The following C19orf25 variants were observed in gnomAD, a reference collection of about 807,000 sequenced individuals.
The protein encoded by C19orf25 is UPF0449 protein C19orf25.
C19orf25 carries 1 observed loss-of-function variant against 3.1 expected under a neutral mutation model. That is an observed-to-expected ratio of 0.32 (90% CI 0.12 to 1.54). The LOEUF (loss-of-function observed/expected upper bound fraction) is 1.54. C19orf25 is among the 40% of genes most tolerant of loss of function. The probability of loss-of-function intolerance (pLI) is 0.38; values close to 1 mark genes in which losing one functional copy is unlikely to be tolerated. For synonymous variants in C19orf25, 91 were observed against 74.3 expected, an observed-to-expected ratio of 1.23 and a Z score of -1.16; for missense variants, 196 against 160.4, an observed-to-expected ratio of 1.22 and a Z score of -1.20.
Position 1,475,085 on chromosome 19 carries a change from C to G in C19orf25, c.304G>C (p.Ala102Pro), listed in dbSNP as rs376592756. 49 of 1,605,982 alleles carry G rather than the reference C, an allele frequency of 3.1e-5. No individual in the cohort carries two copies. The highest frequency in any genetic ancestry group is 4.0e-5 in the Non-Finnish European group (47 of 1,177,448). Residue 102 changes from alanine to proline, a missense_variant, in exon 3 of 3, where the codon GCC becomes CCC. Coordinates refer to ENST00000585675, the MANE Select transcript of C19orf25 (RefSeq NM_152482.3). Reference sequence around the variant, plus strand: ...GGTAATGCTGCCTGCTTCATCTGGGCCACCTCCCGCTCCAGGTCCTCGCCG... The same window carrying G: ...GGTAATGCTGCCTGCTTCATCTGGGGCACCTCCCGCTCCAGGTCCTCGCCG... ...RAGEDLEREVAQMKQAALPAA... is the reference protein window; with the variant it reads ...RAGEDLEREVPQMKQAALPAA...
At chr19:1,478,960 G>T in intron 1 of C19orf25, 55 bp from the exon 2 acceptor site, 1 of 1,490,774 alleles carries the variant, frequency 6.7e-7, no homozygotes, top group Non-Finnish European at 8.9e-7. Context: ...GCCCTTGCCC[G>T]GGCTGCTCCT....
rs2084233925 is a variant in C19orf25 at position 1,478,820 on chromosome 19, C to G, written c.84G>C (p.Arg28=). Residue 28 remains arginine, a synonymous_variant, in exon 2 of 3, where the codon CGG becomes CGC. Coordinates refer to ENST00000585675, the MANE Select transcript of C19orf25 (RefSeq NM_152482.3). The stretch of plus-strand genomic sequence containing the variant: ...ACACTGGATCCTCTGCCGGCGCACC[C>G]CGCACATCCTCCAGGATCTGCTCCA... ...PTVEQILEDV[R]GAPAEDPVFT... 2 of 1,591,740 alleles carry G rather than the reference C, an allele frequency of 1.3e-6. No homozygotes were observed. Among genetic ancestry groups the G allele is most frequent in the Admixed American group, 1.7e-5 (1 of 57,396 alleles).
Position 1,475,247 on chromosome 19 carries a change from G to T in C19orf25, c.142C>A (p.Pro48Thr), listed in dbSNP as rs1489470113. 4 of 1,552,144 alleles carry T rather than the reference G, an allele frequency of 2.6e-6. No individual in the cohort carries two copies. In the South Asian group the frequency reaches 4.7e-5, roughly 18 times the overall value. The change falls in exon 3 of 3, where the codon CCC becomes ACC. Residue 48 changes from proline to threonine, a missense_variant. Pro to Thr is a conservative substitution (Grantham distance 38). Coordinates refer to ENST00000585675, the MANE Select transcript of C19orf25 (RefSeq NM_152482.3). ...TILAPEDPPV[P>T]FRMMEDAEAP... ...TCCGCATCCTCCATCATCCTGAAGG[G>T]AACTGGGGGGTCTGAGACAGGACAC...
chr19:1,478,879 C>A lies in C19orf25; in HGVS notation c.25G>T (p.Val9Leu). 1.9e-6 allele frequency: 3 copies of A among 1,595,532 alleles called. No individual in the cohort carries two copies. The highest frequency in any genetic ancestry group is 2.6e-6 in the Non-Finnish European group (3 of 1,173,020). The change falls in exon 2 of 3, where the codon GTG becomes TTG. Residue 9 changes from valine (V) to leucine (L), a missense_variant. By Grantham distance (32) the Val-to-Leu change is conservative. Coordinates refer to ENST00000585675, the MANE Select transcript of C19orf25 (RefSeq NM_152482.3). MGSKAKKR[V>L]LLPTRPAPPT... ...GGCGCTGGGCGGGTGGGCAGCAGCA[C>A]GCGCTTCTTTGCCTTGGAGCCCATC...
intron 2 of C19orf25, among the ~76,000 whole-genome samples, chr19:1,477,665 A>G (rs75608503): frequency 0.047 from 7,175 of 152,110 alleles, 220 homozygotes; most frequent in Non-Finnish European, 0.072. Flanking sequence ...ACTTACCAAC[A>G]CTGAAATCTG....
chr19:1,474,047 GA>G lies in C19orf25; in HGVS notation c.*984del, dbSNP rs765277503. The stretch of plus-strand genomic sequence containing the variant: ...CAGCCCCAGGTCTCTGGGTCAGGCG[GA>G]CGGTCCCTGCATGCAGTGCCCGGCA... On this transcript the variant is annotated 3_prime_UTR_variant, in exon 3 of 3. Transcript: ENST00000585675. 1 of 152,270 alleles carries G rather than the reference GA, an allele frequency of 6.6e-6. No individual in the cohort carries two copies. Among genetic ancestry groups the G allele is most frequent in the Admixed American group, 6.5e-5 (1 of 15,288 alleles). The allele number at this position is 152,270 out of a possible 1,614,324, so 9.4% of individuals were successfully genotyped here.
At chr19:1,479,058 C>A (rs921680341) in intron 1 of C19orf25, 105 bp downstream of exon 1, 2 of 1,375,872 alleles carry the variant, frequency 1.5e-6, no homozygotes, top group Non-Finnish European at 9.3e-7. Context: ...GCCCCAGGCC[C>A]TGACCCTCCC....
chr19:1,478,679 G>C (rs1194046542), intron 2 of C19orf25, 95 bp downstream of exon 2: 4 of 1,515,110 alleles, frequency 2.6e-6, no homozygotes, highest in Admixed American at 2.1e-5. Flanking sequence ...GGGGTTCCCA[G>C]GGCGTGGGGT....
In C19orf25 at chr19:1,473,566, T is replaced by G. The variant is rs1339997663; in HGVS notation, c.*1466A>C. The stretch of plus-strand genomic sequence containing the variant: ...CCCAGTGTGGGGCAGGAGGCACCCA[T>G]GAGCCACTAGGAGCTGTGGCTGGTG... On this transcript the variant is annotated 3_prime_UTR_variant, in exon 3 of 3. Transcript: ENST00000585675. The G allele has an allele frequency of 1.3e-5, 2 of 152,220 alleles. No individual in the cohort carries two copies. The highest frequency in any genetic ancestry group is 4.8e-5 in the African/African-American group (2 of 41,418). The allele number at this position is 152,220 out of a possible 1,614,324, so 9.4% of individuals were successfully genotyped here.
At chr19:1,475,897 CG>C (rs1314107532) in intron 2 of C19orf25, 2 of 290,468 alleles carry the variant, frequency 6.9e-6, no homozygotes, top group East Asian at 1.1e-4. Context: ...CTGCAAAAGC[CG>C]TGGCACCCAC....
Position 1,479,154 on chromosome 19 carries a change from T to A in C19orf25, c.-3+9A>T. The A allele has an allele frequency of 7.8e-7, 1 of 1,284,504 alleles. No individual in the cohort carries two copies. The highest frequency in any genetic ancestry group is 2.4e-5 in the South Asian group (1 of 41,172). The allele number at this position is 1,284,504 out of a possible 1,614,324, so 79.6% of individuals were successfully genotyped here. A position where few individuals can be genotyped will look rare whatever the true frequency, so the allele number is the denominator to read the frequency against. ...CCCGCGGTCACCCCAGTCGCCGGCC[T>A]CTTCCCACCTGGGCGCGGGACCCGA... On this transcript the variant is annotated intron_variant, in intron 1 of 2. Transcript: ENST00000585675.
At position 1,475,247 on chromosome 19, in the gene C19orf25, G is replaced by A. The variant is rs1489470113; in HGVS notation, c.142C>T (p.Pro48Ser). The A allele has an allele frequency of 1.3e-6, 2 of 1,552,026 alleles. No homozygotes were observed. The highest frequency in any genetic ancestry group is 1.9e-5 in the Admixed American group (1 of 51,562). Reference protein sequence around the residue: ...TILAPEDPPVPFRMMEDAEAP... With the variant: ...TILAPEDPPVSFRMMEDAEAP... ...TCCGCATCCTCCATCATCCTGAAGG[G>A]AACTGGGGGGTCTGAGACAGGACAC... is the stretch of plus-strand genomic sequence containing the variant. The change falls in exon 3 of 3, where the codon CCC becomes TCC. Residue 48 changes from proline to serine, a missense_variant. Transcript: ENST00000585675.
Position 1,474,184 on chromosome 19 carries a change from AGCTTTATGTGC to A in C19orf25, c.*837_*847del, listed in dbSNP as rs2084179335. 6.6e-6 allele frequency: 1 copy of A among 152,090 alleles called. No homozygotes were observed. The highest frequency in any genetic ancestry group is 6.5e-5 in the Admixed American group (1 of 15,284). The allele number at this position is 152,090 out of a possible 1,614,324, so 9.4% of individuals were successfully genotyped here. A position where few individuals can be genotyped will look rare whatever the true frequency, so the allele number is the denominator to read the frequency against. Reference sequence around the variant, plus strand: ...ATTCAGACGGCCAGACACACACGAAAGCTTTATGTGCAGGGCCCAGCCTCTGGGCCGCCTTG... The same window carrying A: ...ATTCAGACGGCCAGACACACACGAAAAGGGCCCAGCCTCTGGGCCGCCTTG... On this transcript the variant is annotated 3_prime_UTR_variant, in exon 3 of 3. Transcript: ENST00000585675.
At position 1,479,199 on chromosome 19, in the gene C19orf25, C is replaced by T; in HGVS notation, c.-39G>A. On this transcript the variant is annotated 5_prime_UTR_variant, in exon 1 of 3. Transcript: ENST00000585675. ...ACCCGAAAGCCCAGCGTCGACGACGCAGCCACTTCCGATTCCGGTCGGAGC... is the reference window on the plus strand; with the variant it reads ...ACCCGAAAGCCCAGCGTCGACGACGTAGCCACTTCCGATTCCGGTCGGAGC... 1 of 1,256,426 alleles carries T rather than the reference C, an allele frequency of 8.0e-7. No homozygotes were observed. Among genetic ancestry groups the T allele is most frequent in the Non-Finnish European group, 1.0e-6 (1 of 999,632 alleles). 77.8% of individuals were successfully genotyped at this position (1,256,426 alleles called of 1,614,324 possible).
At chr19:1,477,547 T>C (rs2084217747) in intron 2 of C19orf25, among the ~76,000 whole-genome samples, 1 of 152,248 alleles carries the variant, frequency 6.6e-6, no homozygotes, top group South Asian at 2.1e-4. Flanking sequence ...GGACAAGCTT[T>C]CCTGCCAAAG....
At position 1,476,081 on chromosome 19, in the gene C19orf25, C is replaced by T. The variant is rs938748994; in HGVS notation, c.131-823G>A. 5.0e-5 allele frequency: 20 copies of T among 397,830 alleles called. No homozygotes were observed. In the Admixed American group the frequency reaches 7.5e-4, roughly 15 times the overall value. 24.6% of individuals were successfully genotyped at this position (397,830 alleles called of 1,614,324 possible). A position where few individuals can be genotyped will look rare whatever the true frequency, so the allele number is the denominator to read the frequency against. ...GAGGTGGGCATTGACGTCCTGGTGA[C>T]TCCCACATTCAGCAGAAACTACGTA... is the stretch of plus-strand genomic sequence containing the variant. On this transcript the variant is annotated intron_variant, in intron 2 of 2. Transcript: ENST00000585675.
chr19:1,478,931 C>T (rs1268466720), intron 1 of C19orf25, 26 bp from the exon 2 acceptor site: 2 of 1,568,746 alleles, frequency 1.3e-6, no homozygotes. Context: ...GGGGCGCTGA[C>T]CGGGGCGTCC....
In C19orf25 at chr19:1,473,295, G is replaced by T. The variant is rs45609234; in HGVS notation, c.*1737C>A. The T allele has an allele frequency of 2.0e-5, 3 of 152,284 alleles. No homozygotes were observed. The highest frequency in any genetic ancestry group is 7.2e-5 in the African/African-American group (3 of 41,462). The allele number at this position is 152,284 out of a possible 1,614,324, so 9.4% of individuals were successfully genotyped here. ...TGGGCTGTGGGCGGGTAGGTTCATC[G>T]CTGTCTATGTGCTGCCACAGAATTG... On this transcript the variant is annotated 3_prime_UTR_variant, in exon 3 of 3. Coordinates refer to ENST00000585675, the MANE Select transcript of C19orf25 (RefSeq NM_152482.3).
In C19orf25 at chr19:1,479,170, C is replaced by G; in HGVS notation, c.-10G>C. On this transcript the variant is annotated 5_prime_UTR_variant, in exon 1 of 3. Transcript: ENST00000585675. ...TCGCCGGCCTCTTCCCACCTGGGCG[C>G]GGGACCCGAAAGCCCAGCGTCGACG... is the stretch of plus-strand genomic sequence containing the variant. 1 of 1,277,308 alleles carries G rather than the reference C, an allele frequency of 7.8e-7. No individual in the cohort carries two copies. The highest frequency in any genetic ancestry group is 9.9e-7 in the Non-Finnish European group (1 of 1,012,910). The allele number at this position is 1,277,308 out of a possible 1,614,324, so 79.1% of individuals were successfully genotyped here. A position where few individuals can be genotyped will look rare whatever the true frequency, so the allele number is the denominator to read the frequency against.
Sources: allele counts gnomAD v4.1 joint callset (sites outside exome capture counted in the v4.1 genomes callset), GRCh38; gene constraint gnomAD v4.1.1; transcripts MANE v1.5; gene names NCBI Gene and HGNC (gene_info 2026-07-23, HGNC 2026-07-21).